The following BTRC variants were observed in gnomAD, a reference collection of about 807,000 sequenced individuals.
BTRC encodes beta-transducin repeat containing E3 ubiquitin protein ligase.
A neutral mutation model predicts 85.5 loss-of-function variants in BTRC; 42 were observed. That is an observed-to-expected ratio of 0.49 (90% confidence interval 0.38 to 0.64). The LOEUF (loss-of-function observed/expected upper bound fraction) is 0.64. BTRC is among the 30% of genes least tolerant of loss of function. The probability of loss-of-function intolerance (pLI) is 0.00; values close to 1 mark genes in which losing one functional copy is unlikely to be tolerated. For synonymous variants in BTRC, 255 were observed against 263.3 expected (o/e 0.97, Z 0.30); for missense variants, 594 against 743.5 (o/e 0.80, Z 2.34).
chr10:101,510,253 A>G (rs936462983), intron 4 of BTRC, among the ~76,000 whole-genome samples: 1 of 152,204 alleles, frequency 6.6e-6, no homozygotes, highest in Admixed American at 6.5e-5. Flanking sequence ...TCACGCCTGT[A>G]ATCCCAGCAC....
At chr10:101,519,214 G>T (rs2062067187) in intron 4 of BTRC, among the ~76,000 whole-genome samples, 2 of 151,892 alleles carry the variant, frequency 1.3e-5, no homozygotes, top group South Asian at 2.1e-4. Context: ...AAGTAGCTGG[G>T]ATTACAGGCA....
At chr10:101,393,523 A>G (rs1180178385) in intron 1 of BTRC, among the ~76,000 whole-genome samples, 3 of 152,198 alleles carry the variant, frequency 2.0e-5, no homozygotes, top group Non-Finnish European at 2.9e-5. Flanking sequence ...GAATGCTAGG[A>G]CATACAGGGA....
intron 4 of BTRC, among the ~76,000 whole-genome samples, chr10:101,486,838 A>C (rs1383416581): frequency 1.3e-5 from 2 of 152,190 alleles, no homozygotes; most frequent in African/African-American, 2.4e-5. Flanking sequence ...ATCTCACTGA[A>C]TATCAGACCT....
chr10:101,547,515 A>G (rs574421498), intron 13 of BTRC, among the ~76,000 whole-genome samples: 1 of 151,348 alleles, frequency 6.6e-6, no homozygotes, highest in African/African-American at 2.4e-5. Context: ...TGATCTTTGT[A>G]TTTTTAGTAG....
intron 1 of BTRC, among the ~76,000 whole-genome samples, chr10:101,400,529 T>C (rs1231616525): frequency 1.3e-5 from 2 of 152,194 alleles, no homozygotes; most frequent in African/African-American, 4.8e-5. Context: ...AGATGATCCA[T>C]AAGTCTAATG....
chr10:101,441,606 G>A (rs140022721), intron 2 of BTRC, among the ~76,000 whole-genome samples: 326 of 152,188 alleles, frequency 2.1e-3, no homozygotes, highest in African/African-American at 7.4e-3. Flanking sequence ...TTGGCCGGGC[G>A]TGGTGGCTCA....
rs1399986557 is a variant in BTRC, at chr10:101,387,528, C to CCTTTTTTTTTTTTTTTTTT, written c.48+33300_48+33301insCTTTTTTTTTTTTTTTTTT. ...TGTGGCTTTTTATACCTTCATGGGA[C>CCTTTTTTTTTTTTTTTTTT]TTTTTTTTTTTTTTTTTTGAGATAG... On this transcript the variant is annotated intron_variant, in intron 1 of 14. Coordinates refer to ENST00000370187, the MANE Select transcript of BTRC (RefSeq NM_033637.4). Among the ~76,000 whole-genome samples, 4 of 45,092 alleles carry CCTTTTTTTTTTTTTTTTTT rather than the reference C, an allele frequency of 8.9e-5. No homozygotes were observed. The East Asian group carries it at 5.1e-3, about 57-fold the overall frequency. The allele number at this position is 45,092 out of a possible 152,430, so 29.6% of individuals were successfully genotyped here.
intron 4 of BTRC, among the ~76,000 whole-genome samples, chr10:101,519,217 T>C (rs1200834204): frequency 2.0e-5 from 3 of 152,054 alleles, no homozygotes; most frequent in Non-Finnish European, 4.4e-5. Context: ...TAGCTGGGAT[T>C]ACAGGCACCC....
chr10:101,420,921 A>G (rs1021947486), intron 1 of BTRC, among the ~76,000 whole-genome samples: 11 of 151,660 alleles, frequency 7.3e-5, no homozygotes, highest in African/African-American at 1.9e-4. Flanking sequence ...TATTACTTAC[A>G]TAGAAGTCAG....
intron 3 of BTRC, among the ~76,000 whole-genome samples, chr10:101,477,390 T>TG (rs1945718333): frequency 6.6e-6 from 1 of 152,174 alleles, no homozygotes; most frequent in African/African-American, 2.4e-5. Context: ...AGTAAAAACT[T>TG]AAGACTAAAA....
At chr10:101,380,388 A>C (rs1181427643) in intron 1 of BTRC, among the ~76,000 whole-genome samples, 1 of 150,898 alleles carries the variant, frequency 6.6e-6, no homozygotes, top group South Asian at 2.1e-4. Flanking sequence ...TTTTTTTTTT[A>C]ATTAAAAAGT....
intron 1 of BTRC, among the ~76,000 whole-genome samples, chr10:101,401,375 A>G (rs944612876): frequency 2.0e-5 from 3 of 152,126 alleles, no homozygotes; most frequent in African/African-American, 7.2e-5. Context: ...TTGTTCTGTC[A>G]AGGGGAGAAT....
chr10:101,484,552 G>A (rs1241518475), intron 4 of BTRC, among the ~76,000 whole-genome samples: 1 of 152,136 alleles, frequency 6.6e-6, no homozygotes, highest in African/African-American at 2.4e-5. Flanking sequence ...TATTTATAAG[G>A]CATTTCAGCT....
At chr10:101,397,063 C>T (rs1039677966) in intron 1 of BTRC, among the ~76,000 whole-genome samples, 3 of 152,206 alleles carry the variant, frequency 2.0e-5, no homozygotes, top group Admixed American at 6.5e-5. Context: ...CTCGGCCTCC[C>T]AAAGTGCTGA....
chr10:101,526,740 A>T (rs2062198045), intron 6 of BTRC, among the ~76,000 whole-genome samples: 2 of 152,216 alleles, frequency 1.3e-5, no homozygotes, highest in African/African-American at 4.8e-5. Context: ...CCTTTATCTT[A>T]TGCCTCTGGT....
At chr10:101,367,010 A>ATT (rs1942467752) in intron 1 of BTRC, among the ~76,000 whole-genome samples, 3 of 75,576 alleles carry the variant, frequency 4.0e-5, no homozygotes, top group African/African-American at 9.2e-5. Flanking sequence ...ATATATTTAT[A>ATT]TATATATTTA....
intron 1 of BTRC, among the ~76,000 whole-genome samples, chr10:101,396,491 G>C (rs1943367269): frequency 6.7e-6 from 1 of 150,140 alleles, no homozygotes; most frequent in South Asian, 2.1e-4. Context: ...TTTAAATGGA[G>C]TTCAGCTAGT....
At chr10:101,482,393 CT>C (rs55978440) in intron 4 of BTRC, among the ~76,000 whole-genome samples, 131 of 99,820 alleles carry the variant, frequency 1.3e-3, no homozygotes, top group East Asian at 3.1e-3. Context: ...TTGTTTGTTT[CT>C]TTTTTTTTTT....
At chr10:101,518,314 A>G (rs1326382176) in intron 4 of BTRC, among the ~76,000 whole-genome samples, 1 of 152,124 alleles carries the variant, frequency 6.6e-6, no homozygotes, top group Non-Finnish European at 1.5e-5. Flanking sequence ...TGTCGCTATT[A>G]TGCTTCTGGG....
Sources: gnomAD v4.1 joint callset for allele counts (sites outside exome capture counted in the v4.1 genomes callset) on GRCh38, gnomAD v4.1.1 for gene constraint, MANE v1.5 for transcripts, NCBI Gene and HGNC (gene_info 2026-07-23, HGNC 2026-07-21) for gene names.